Variants in COL8A1 observed in about 807,000 individuals in gnomAD.
COL8A1 encodes the protein collagen alpha-1(VIII) chain.
COL8A1 carries 21 observed loss-of-function variants against 42.7 expected under a neutral mutation model. The observed-to-expected ratio is 0.49, with a 90% CI of 0.35 to 0.71. The LOEUF (loss-of-function observed/expected upper bound fraction) is 0.71, where lower values mean the gene tolerates loss of function less well. Among genes scored for constraint, COL8A1 ranks in the 30% least tolerant of loss-of-function variants. The probability of loss-of-function intolerance (pLI) is 0.01; values close to 1 mark genes in which losing one functional copy is unlikely to be tolerated. For synonymous variants in COL8A1, 367 were observed against 369.1 expected, an observed-to-expected ratio of 0.99 and a Z score of 0.06; for missense variants, 788 against 962.4, an observed-to-expected ratio of 0.82 and a Z score of 2.40.
intron 1 of COL8A1, among the ~76,000 whole-genome samples, chr3:99,667,524 G>C (rs1938403844): frequency 6.6e-6 from 1 of 152,110 alleles, no homozygotes; most frequent in African/African-American, 2.4e-5. Flanking sequence ...TTAGGAGGAA[G>C]AATTTTTCTC....
intron 2 of COL8A1, among the ~76,000 whole-genome samples, chr3:99,750,558 C>G (rs946421140): frequency 6.6e-6 from 1 of 151,952 alleles, no homozygotes; most frequent in African/African-American, 2.4e-5. Flanking sequence ...GTGATAAAGA[C>G]AAAATTGTCC....
intron 2 of COL8A1, among the ~76,000 whole-genome samples, chr3:99,764,070 GCCT>G (rs1324012011): frequency 2.6e-5 from 4 of 152,148 alleles, no homozygotes; most frequent in Admixed American, 6.5e-5. Flanking sequence ...GGTAAGAACA[GCCT>G]CCTCCTCCTC....
intron 1 of COL8A1, among the ~76,000 whole-genome samples, chr3:99,674,723 C>T (rs1456449321): frequency 6.6e-6 from 1 of 151,948 alleles, no homozygotes; most frequent in South Asian, 2.1e-4. Context: ...AACTGTGTTG[C>T]TGAAAGTCTG....
chr3:99,752,839 G>A (rs1941180600), intron 2 of COL8A1, among the ~76,000 whole-genome samples: 1 of 152,080 alleles, frequency 6.6e-6, no homozygotes, highest in Admixed American at 6.6e-5. Flanking sequence ...TTCATGAGTA[G>A]GTATCAGGCT....
chr3:99,650,672 G>C (rs1240236060), intron 1 of COL8A1, among the ~76,000 whole-genome samples: 1 of 152,080 alleles, frequency 6.6e-6, no homozygotes, highest in African/African-American at 2.4e-5. Flanking sequence ...GAGCTAAGGT[G>C]CTCTCCCCAC....
chr3:99,691,102 A>T (rs1939206931), intron 1 of COL8A1, among the ~76,000 whole-genome samples: 1 of 152,190 alleles, frequency 6.6e-6, no homozygotes, highest in Non-Finnish European at 1.5e-5. Context: ...TTGAGCATGC[A>T]CGAATTTCTA....
At chr3:99,727,670 C>G (rs1010484542) in intron 1 of COL8A1, among the ~76,000 whole-genome samples, 16 of 151,980 alleles carry the variant, frequency 1.1e-4, no homozygotes, top group African/African-American at 2.9e-4. Flanking sequence ...ATACCAAAGC[C>G]TGGCAGAGAC....
chr3:99,729,640 A>T (rs1940442341), intron 1 of COL8A1, among the ~76,000 whole-genome samples: 1 of 152,006 alleles, frequency 6.6e-6, no homozygotes, highest in African/African-American at 2.4e-5. Flanking sequence ...CTATTTCTTT[A>T]GAAATGGATG....
chr3:99,757,078 G>C (rs1284714393), intron 2 of COL8A1, among the ~76,000 whole-genome samples: 2 of 152,178 alleles, frequency 1.3e-5, no homozygotes, highest in Non-Finnish European at 2.9e-5. Context: ...TCTTCTTGCT[G>C]TATCCCCAGC....
At chr3:99,754,388 C>T (rs114616996) in intron 2 of COL8A1, among the ~76,000 whole-genome samples, 2,205 of 151,376 alleles carry the variant, frequency 0.015, 35 homozygotes, top group African/African-American at 0.045. Context: ...CCACTGAATG[C>T]GATCACAAGA....
At chr3:99,676,602 C>CA (rs1302575555) in intron 1 of COL8A1, among the ~76,000 whole-genome samples, 2 of 152,022 alleles carry the variant, frequency 1.3e-5, no homozygotes, top group African/African-American at 2.4e-5. Flanking sequence ...AAAGTGAATA[C>CA]AAAATTTCTG....
rs1937771605 is a variant in COL8A1, at chr3:99,649,552, C to G, written c.-129+10888C>G. Among the ~76,000 whole-genome samples the G allele has an allele frequency of 2.0e-5, 3 of 152,064 alleles. No individual in the cohort carries two copies. The South Asian group carries it at 6.2e-4, about 32-fold the overall frequency. ...ATCTAGATATGGTAGAAACTCCTTT[C>G]CATTCTGAAATATTCCTTGATGAAA... On this transcript the variant is annotated intron_variant, in intron 1 of 3. Coordinates refer to ENST00000652472, the MANE Select transcript of COL8A1 (RefSeq NM_020351.4).
At chr3:99,685,110 G>GA (rs1209170517) in intron 1 of COL8A1, among the ~76,000 whole-genome samples, 1 of 151,844 alleles carries the variant, frequency 6.6e-6, no homozygotes, top group African/African-American at 2.4e-5. Context: ...TAAAAACTCA[G>GA]AAAAAAATGA....
chr3:99,681,063 C>G (rs1247721252), intron 1 of COL8A1, among the ~76,000 whole-genome samples: 3 of 152,150 alleles, frequency 2.0e-5, no homozygotes, highest in Non-Finnish European at 4.4e-5. Context: ...CAATACTATT[C>G]AGGACATAGG....
intron 1 of COL8A1, among the ~76,000 whole-genome samples, chr3:99,649,521 G>C (rs1311720288): frequency 6.6e-6 from 1 of 151,988 alleles, no homozygotes; most frequent in African/African-American, 2.4e-5. Context: ...GATGTGATTG[G>C]GGTATATCTA....
intron 1 of COL8A1, among the ~76,000 whole-genome samples, chr3:99,689,389 C>G (rs952281409): frequency 1.3e-5 from 2 of 152,134 alleles, no homozygotes; most frequent in African/African-American, 4.8e-5. Flanking sequence ...TTCCACAGAC[C>G]ATAATCTCCT....
intron 2 of COL8A1, among the ~76,000 whole-genome samples, chr3:99,772,269 T>C (rs142163429): frequency 2.0e-5 from 3 of 152,236 alleles, no homozygotes; most frequent in Non-Finnish European, 2.9e-5. Flanking sequence ...GGCAAAACTA[T>C]GGAGACAGTA....
intron 2 of COL8A1, among the ~76,000 whole-genome samples, chr3:99,756,700 A>G (rs1435889305): frequency 6.6e-6 from 1 of 152,232 alleles, no homozygotes; most frequent in Non-Finnish European, 1.5e-5. Flanking sequence ...TTCAATTTCC[A>G]GGCAGCTACG....
intron 1 of COL8A1, among the ~76,000 whole-genome samples, chr3:99,693,483 G>T (rs942380387): frequency 6.6e-6 from 1 of 152,230 alleles, no homozygotes; most frequent in Admixed American, 6.5e-5. Flanking sequence ...TGATATTGAT[G>T]ATCTTGACCC....
Sources: gnomAD v4.1 joint callset for allele counts (sites outside exome capture counted in the v4.1 genomes callset) on GRCh38, gnomAD v4.1.1 for gene constraint, MANE v1.5 for transcripts, NCBI Gene and HGNC (gene_info 2026-07-23, HGNC 2026-07-21) for gene names.